The following MYO1H variants were observed in gnomAD, a reference collection of about 807,000 sequenced individuals.
MYO1H encodes unconventional myosin-Ih.
MYO1H carries 118 observed loss-of-function variants against 149.3 expected under a neutral mutation model. That is an observed-to-expected ratio of 0.79 (90% CI 0.68 to 0.92). The LOEUF (loss-of-function observed/expected upper bound fraction) is 0.92, where lower values mean the gene tolerates loss of function less well. Ranked by LOEUF, MYO1H falls within the 40% of genes least tolerant of loss-of-function variation. MYO1H has a pLI of 0.00. For missense variants in MYO1H, 1,212 were observed against 1,280.7 expected (o/e 0.95, Z 0.82); for synonymous variants, 447 against 465.2 (o/e 0.96, Z 0.50).
At chr12:109,404,488 A>G (rs1870294080) in intron 7 of MYO1H, among the ~76,000 whole-genome samples, 1 of 152,236 alleles carries the variant, frequency 6.6e-6, no homozygotes, top group Admixed American at 6.5e-5. Flanking sequence ...TCTCAAAAAA[A>G]CAAAACCAAA....
chr12:109,365,241 A>G (rs771802773), intron 1 of MYO1H, among the ~76,000 whole-genome samples: 3 of 152,134 alleles, frequency 2.0e-5, no homozygotes, highest in Non-Finnish European at 4.4e-5. Context: ...GTGCCACTAC[A>G]CTCCAGCCTG....
chr12:109,436,166 G>C (rs2135594824), intron 21 of MYO1H, among the ~76,000 whole-genome samples: 1 of 152,266 alleles, frequency 6.6e-6, no homozygotes. Flanking sequence ...TGCTGATGAT[G>C]CCTGCCTTGT....
intron 1 of MYO1H, among the ~76,000 whole-genome samples, chr12:109,379,432 T>TG (rs1265729951): frequency 1.3e-5 from 2 of 152,200 alleles, no homozygotes; most frequent in Non-Finnish European, 2.9e-5. Flanking sequence ...TGTGTGCTAT[T>TG]GAGCGTTTTT....
chr12:109,415,134 C>T (rs1397350293), intron 14 of MYO1H, among the ~76,000 whole-genome samples: 1 of 152,152 alleles, frequency 6.6e-6, no homozygotes, highest in East Asian at 1.9e-4. Context: ...GTCTCTCTCT[C>T]ACTCTTTGCT....
chr12:109,314,464 C>T, the MYO1H span, among the ~76,000 whole-genome samples: 1 of 152,146 alleles, frequency 6.6e-6, no homozygotes, highest in Non-Finnish European at 1.5e-5. Flanking sequence ...AGAATATTTG[C>T]TCAAAACCAC....
In MYO1H at chr12:109,396,407, AC is replaced by A. The variant is rs776386767; in HGVS notation, c.316del (p.Arg106GlufsTer2). 7.3e-5 allele frequency: 118 copies of A among 1,611,932 alleles called. No homozygotes were observed. The highest frequency in any genetic ancestry group is 8.4e-5 in the Non-Finnish European group (99 of 1,179,040). On this transcript the variant is annotated frameshift_variant, in exon 4 of 32. Transcript: ENST00000310903. LOFTEE classifies it high-confidence loss of function. ...AGCTACGCTATAGCCGACAACGCTT[AC>A]CGAATGATGTGTGCTGAACTAAATA... is the stretch of plus-strand genomic sequence containing the variant.
chr12:109,396,335 A>AG lies in MYO1H; in HGVS notation c.291-46dup, dbSNP rs1869902693. 4 of 1,496,286 alleles carry AG rather than the reference A, an allele frequency of 2.7e-6. No individual in the cohort carries two copies. The South Asian group carries it at 3.9e-5, about 15-fold the overall frequency. 92.7% of individuals were successfully genotyped at this position (1,496,286 alleles called of 1,614,324 possible). ...TCTTCTTTGGTGGGTGTCAGAGTCAAGGGAAGTACCATTAAAACGAATTTG... is the reference window on the plus strand; with the variant it reads ...TCTTCTTTGGTGGGTGTCAGAGTCAAGGGGAAGTACCATTAAAACGAATTTG... On this transcript the variant is annotated intron_variant, in intron 3 of 31. Coordinates refer to ENST00000310903, the Ensembl canonical transcript of MYO1H.
the MYO1H span, among the ~76,000 whole-genome samples, chr12:109,322,338 T>C: frequency 6.6e-6 from 1 of 152,194 alleles, no homozygotes; most frequent in African/African-American, 2.4e-5. Flanking sequence ...GGTCCCTGCC[T>C]GGCCTCTGAG....
intron 19 of MYO1H, among the ~76,000 whole-genome samples, chr12:109,432,168 ATTTTG>A (rs1374711427): frequency 1.3e-5 from 2 of 151,610 alleles, no homozygotes; most frequent in African/African-American, 2.4e-5. Flanking sequence ...TGCCTGGCTA[ATTTTG>A]TTTTGTATTT....
At chr12:109,388,654 G>A (rs1227347036) in intron 1 of MYO1H, 29 bp from the exon 2 acceptor site, 23 of 1,511,396 alleles carry the variant, frequency 1.5e-5, no homozygotes, top group East Asian at 2.3e-5. Flanking sequence ...AAATAGATGA[G>A]CTGCTGAAGA....
rs1566045105 is a variant in MYO1H, at chr12:109,443,172, GTATGTGTGTATATGTGTACGTA to G, written c.2689-310_2689-289del. ...TACGTATGTGTGTGTATATGTGTACGTATGTGTGTATATGTGTACGTATATGTGTGTATATGTGTACGTATAT... is the reference window on the plus strand; with the variant it reads ...TACGTATGTGTGTGTATATGTGTACGTATGTGTGTATATGTGTACGTATAT... On this transcript the variant is annotated intron_variant, in intron 27 of 31. Transcript: ENST00000310903. 1.7e-4 allele frequency among the ~76,000 whole-genome samples: 19 copies of G among 110,076 alleles called. 8 individuals carry two copies. The highest frequency in any genetic ancestry group is 5.9e-4 in the Admixed American group (7 of 11,942). 72.2% of individuals were successfully genotyped at this position (110,076 alleles called of 152,430 possible).
exon 32 of MYO1H, chr12:109,447,480 T>A: frequency 2.0e-6 from 1 of 505,720 alleles, no homozygotes; most frequent in Non-Finnish European, 3.6e-6. Flanking sequence ...CAACGTGTCA[T>A]TAGAGGGTGG....
At chr12:109,441,526 A>C in intron 25 of MYO1H, 89 bp from the exon 26 acceptor site, 2 of 779,224 alleles carry the variant, frequency 2.6e-6, no homozygotes, top group East Asian at 5.7e-5. Context: ...TTTATCCAGC[A>C]AAGGATGTGA....
intron 1 of MYO1H, among the ~76,000 whole-genome samples, chr12:109,385,851 C>T (rs186203770): frequency 6.6e-6 from 1 of 152,268 alleles, no homozygotes; most frequent in East Asian, 1.9e-4. Context: ...TCCAGCCAAT[C>T]CCTACCTCTT....
intron 4 of MYO1H, 32 bp from the exon 5 acceptor site, chr12:109,397,700 A>G: frequency 6.3e-7 from 1 of 1,582,116 alleles, no homozygotes; most frequent in Non-Finnish European, 8.6e-7. Context: ...TGGTGAGCTT[A>G]AATGACAGTG....
chr12:109,330,042 A>G, the MYO1H span, among the ~76,000 whole-genome samples: 1 of 152,216 alleles, frequency 6.6e-6, no homozygotes, highest in Non-Finnish European at 1.5e-5. Flanking sequence ...TGGGACAGAA[A>G]ACAAACATTT....
In MYO1H at chr12:109,391,367, T is replaced by TTAGTTTGCTGAGG. The variant is rs2137036016; in HGVS notation, c.175-1964_175-1963insTAGTTTGCTGAGG. On this transcript the variant is annotated intron_variant, in intron 2 of 31. Transcript: ENST00000310903. ...TGTTCCTGCATTAGTTTGCTGAGGA[T>TTAGTTTGCTGAGG]AATGGCTTCTAGCTACTTCCATGTC... 1.3e-5 allele frequency among the ~76,000 whole-genome samples: 2 copies of TTAGTTTGCTGAGG among 152,340 alleles called. 1 individual carries two copies. Among genetic ancestry groups the TTAGTTTGCTGAGG allele is most frequent in the South Asian group, 4.1e-4 (2 of 4,826 alleles).
intron 15 of MYO1H, among the ~76,000 whole-genome samples, chr12:109,416,381 T>TTTTG (rs1349193505): frequency 2.0e-5 from 3 of 149,636 alleles, no homozygotes; most frequent in Admixed American, 1.3e-4. Context: ...TGTTGTTGGT[T>TTTTG]TTTTTTTTTT....
At chr12:109,431,685 T>A (rs1871626970) in intron 19 of MYO1H, among the ~76,000 whole-genome samples, 1 of 152,232 alleles carries the variant, frequency 6.6e-6, no homozygotes, top group Non-Finnish European at 1.5e-5. Flanking sequence ...TTCAGTTGTT[T>A]CATTATACTA....
Sources: gnomAD v4.1 joint callset for allele counts (sites outside exome capture counted in the v4.1 genomes callset) on GRCh38, gnomAD v4.1.1 for gene constraint, MANE v1.5 for transcripts, NCBI Gene and HGNC (gene_info 2026-07-23, HGNC 2026-07-21) for gene names.